ZNF641: variants seen among roughly 807,000 people sequenced by gnomAD.
ZNF641 encodes the protein zinc finger protein 641.
A neutral mutation model predicts 46.2 loss-of-function variants in ZNF641; 26 were observed. That is an observed-to-expected ratio of 0.56 (90% CI 0.41 to 0.78). The LOEUF (loss-of-function observed/expected upper bound fraction) is 0.78. Ranked by LOEUF, ZNF641 falls within the 30% of genes least tolerant of loss-of-function variation. ZNF641 has a pLI of 0.00. For missense variants in ZNF641, 469 were observed against 517.8 expected, an observed-to-expected ratio of 0.91 and a Z score of 0.91; for synonymous variants, 163 against 187.9, an observed-to-expected ratio of 0.87 and a Z score of 1.09.
At chr12:48,336,607 G>C (rs959452710), downstream of ZNF641, among the ~76,000 whole-genome samples, 1 of 152,058 alleles carries the variant, frequency 6.6e-6, no homozygotes, top group African/African-American at 2.4e-5. Flanking sequence ...AGTGGCTTCC[G>C]ACCCTACCTC....
At chr12:48,334,812 G>A (rs1025386521), downstream of ZNF641, among the ~76,000 whole-genome samples, 1 of 152,216 alleles carries the variant, frequency 6.6e-6, no homozygotes, top group Non-Finnish European at 1.5e-5. Context: ...AGATAGAGAA[G>A]GAGGTTCTTG....
At chr12:48,346,825 A>G (rs1369582074) in intron 3 of ZNF641, among the ~76,000 whole-genome samples, 1 of 152,176 alleles carries the variant, frequency 6.6e-6, no homozygotes. Flanking sequence ...AGCCTGGCCA[A>G]CGTGGCAAAA....
Position 48,340,763 on chromosome 12 carries a change from A to G in ZNF641, c.*2210T>C. Reference sequence around the variant, plus strand: ...TGTCAGATTCAACAGGTCTGTACCCAAGACAGGTTCTGAACCATTGCTTAT... The same window carrying G: ...TGTCAGATTCAACAGGTCTGTACCCGAGACAGGTTCTGAACCATTGCTTAT... On this transcript the variant is annotated 3_prime_UTR_variant, in exon 6 of 6. Transcript: ENST00000547026. 3.0e-6 allele frequency: 3 copies of G among 985,432 alleles called. No individual in the cohort carries two copies. Among genetic ancestry groups the G allele is most frequent in the Non-Finnish European group, 3.6e-6 (3 of 829,904 alleles). 61.0% of individuals were successfully genotyped at this position (985,432 alleles called of 1,614,324 possible).
At position 48,342,056 on chromosome 12, in the gene ZNF641, T is replaced by C. The variant is rs1023748561; in HGVS notation, c.*917A>G. The C allele has an allele frequency of 6.1e-6, 6 of 985,332 alleles. No individual in the cohort carries two copies. The African/African-American group carries it at 1.0e-4, about 17-fold the overall frequency. The allele number at this position is 985,332 out of a possible 1,614,324, so 61.0% of individuals were successfully genotyped here. On this transcript the variant is annotated 3_prime_UTR_variant, in exon 6 of 6. Coordinates refer to ENST00000547026, the MANE Select transcript of ZNF641 (RefSeq NM_001172681.2). ...TGTCTTCAAAGACCCTGCACACAAA[T>C]ACACAGACACATAAAGACAGTCAAG...
At chr12:48,335,832 T>C (rs1952600595), downstream of ZNF641, among the ~76,000 whole-genome samples, 2 of 152,206 alleles carry the variant, frequency 1.3e-5, no homozygotes, top group Admixed American at 6.5e-5. Context: ...AAACATAATC[T>C]CCACCTTTCT....
intron 4 of ZNF641, 106 bp from the exon 5 acceptor site, chr12:48,344,818 C>T (rs771654117): frequency 2.9e-5 from 20 of 686,714 alleles, no homozygotes; most frequent in Non-Finnish European, 4.6e-5. Flanking sequence ...GAACTCTAGA[C>T]AAAAGAAGGT....
chr12:48,341,388 T>C lies in ZNF641; in HGVS notation c.*1585A>G, dbSNP rs1952713263. On this transcript the variant is annotated 3_prime_UTR_variant, in exon 6 of 6. Coordinates refer to ENST00000547026, the MANE Select transcript of ZNF641 (RefSeq NM_001172681.2). Reference sequence around the variant, plus strand: ...AGATTGGTATTAACACAATTATTGATAAAGAGAAACAATGACCAACTCATT... The same window carrying C: ...AGATTGGTATTAACACAATTATTGACAAAGAGAAACAATGACCAACTCATT... 5 of 985,440 alleles carry C rather than the reference T, an allele frequency of 5.1e-6. No individual in the cohort carries two copies. The highest frequency in any genetic ancestry group is 6.1e-5 in the Admixed American group (1 of 16,290). The allele number at this position is 985,440 out of a possible 1,614,324, so 61.0% of individuals were successfully genotyped here.
intron 4 of ZNF641, 67 bp downstream of exon 4, chr12:48,345,278 C>A: frequency 6.3e-7 from 1 of 1,581,538 alleles, no homozygotes. Flanking sequence ...TATCCAATAG[C>A]CCTGAAGCAG....
In ZNF641 at chr12:48,345,411, G is replaced by T. The variant is rs753496657; in HGVS notation, c.340C>A (p.Pro114Thr). The T allele has an allele frequency of 6.2e-7, 1 of 1,614,118 alleles. No individual in the cohort carries two copies. Among genetic ancestry groups the T allele is most frequent in the Non-Finnish European group, 8.5e-7 (1 of 1,179,996 alleles). ...FSQEEWRSLD[P>T]SQTDFYGEYV... ...TCTCCATAAAAGTCTGTCTGAGAGGGGTCCAGGCTCCGCCACTCCTCCTGA... is the reference window on the plus strand; with the variant it reads ...TCTCCATAAAAGTCTGTCTGAGAGGTGTCCAGGCTCCGCCACTCCTCCTGA... Residue 114 changes from proline to threonine, a missense_variant, in exon 4 of 6, where the codon CCC becomes ACC. Coordinates refer to ENST00000547026, the MANE Select transcript of ZNF641 (RefSeq NM_001172681.2).
Position 48,345,490 on chromosome 12 carries a change from G to C in ZNF641, c.277-16C>G. ...TTACCAGGCCCTGAAACAAAATGTA[G>C]CATCTTCTGTCAGCAGCTGTTTTTT... On this transcript the variant is annotated splice_polypyrimidine_tract_variant and intron_variant, in intron 3 of 5. Transcript: ENST00000547026. 8 of 1,613,864 alleles carry C rather than the reference G, an allele frequency of 5.0e-6. No individual in the cohort carries two copies. The highest frequency in any genetic ancestry group is 6.8e-6 in the Non-Finnish European group (8 of 1,179,872).
In ZNF641 at chr12:48,340,184, G is replaced by A. The variant is rs943126349; in HGVS notation, c.*2789C>T. Reference sequence around the variant, plus strand: ...AGAGAGGTGGTGTTGGACCGAGGTAGAGAAGACAGTGGTACACCAGAAATA... The same window carrying A: ...AGAGAGGTGGTGTTGGACCGAGGTAAAGAAGACAGTGGTACACCAGAAATA... On this transcript the variant is annotated 3_prime_UTR_variant, in exon 6 of 6. Coordinates refer to ENST00000547026, the MANE Select transcript of ZNF641 (RefSeq NM_001172681.2). 4.0e-5 allele frequency: 39 copies of A among 985,360 alleles called. No homozygotes were observed. Among genetic ancestry groups the A allele is most frequent in the Admixed American group, 6.1e-5 (1 of 16,266 alleles). 61.0% of individuals were successfully genotyped at this position (985,360 alleles called of 1,614,324 possible).
chr12:48,349,417 G>C (rs1952968708), intron 1 of ZNF641, among the ~76,000 whole-genome samples: 1 of 152,186 alleles, frequency 6.6e-6, no homozygotes, highest in South Asian at 2.1e-4. Context: ...AGGCTTCCAA[G>C]AGCAGTCAGA....
At position 48,340,815 on chromosome 12, in the gene ZNF641, G is replaced by A. The variant is rs2136170432; in HGVS notation, c.*2158C>T. The A allele has an allele frequency of 1.0e-6, 1 of 985,402 alleles. No individual in the cohort carries two copies. 61.0% of individuals were successfully genotyped at this position (985,402 alleles called of 1,614,324 possible). A position where few individuals can be genotyped will look rare whatever the true frequency, so the allele number is the denominator to read the frequency against. ...CAGAGCTTTTAGTATTAAAGAGGGAGAGTAAAAGAAATGTCAGAGTCCAGA... is the reference window on the plus strand; with the variant it reads ...CAGAGCTTTTAGTATTAAAGAGGGAAAGTAAAAGAAATGTCAGAGTCCAGA... On this transcript the variant is annotated 3_prime_UTR_variant, in exon 6 of 6. Transcript: ENST00000547026.
rs1793448835 is a variant in ZNF641 at position 48,339,234 on chromosome 12, G to T, written c.*3739C>A. The T allele has an allele frequency of 6.6e-6, 1 of 152,194 alleles. No individual in the cohort carries two copies. The highest frequency in any genetic ancestry group is 2.4e-5 in the African/African-American group (1 of 41,446). 9.4% of individuals were successfully genotyped at this position (152,194 alleles called of 1,614,324 possible). A position where few individuals can be genotyped will look rare whatever the true frequency, so the allele number is the denominator to read the frequency against. On this transcript the variant is annotated 3_prime_UTR_variant, in exon 6 of 6. Coordinates refer to ENST00000547026, the MANE Select transcript of ZNF641 (RefSeq NM_001172681.2). ...TGAGGTCTAGCCTAGTGAGGCTACAGAGAATAAACCTGACAACAGGAGTGT... is the reference window on the plus strand; with the variant it reads ...TGAGGTCTAGCCTAGTGAGGCTACATAGAATAAACCTGACAACAGGAGTGT...
At chr12:48,348,227 C>T in intron 1 of ZNF641, 112 bp from the exon 2 acceptor site, 3 of 1,056,626 alleles carry the variant, frequency 2.8e-6, no homozygotes, top group South Asian at 1.5e-5. Flanking sequence ...ATAGGAGGAG[C>T]TTGCTGGAAG....
rs745681281 is a variant in ZNF641, at chr12:48,337,220, A to G, written c.*5753T>C. 2.6e-5 allele frequency: 4 copies of G among 152,268 alleles called. No individual in the cohort carries two copies. The highest frequency in any genetic ancestry group is 7.2e-5 in the African/African-American group (3 of 41,466). 9.4% of individuals were successfully genotyped at this position (152,268 alleles called of 1,614,324 possible). A position where few individuals can be genotyped will look rare whatever the true frequency, so the allele number is the denominator to read the frequency against. ...ATCTTTTATTCAACTGACAGGGACC[A>G]TAAGTCCCCTGTTGGGTAACCCAAG... On this transcript the variant is annotated 3_prime_UTR_variant, in exon 6 of 6. Transcript: ENST00000547026.
intron 3 of ZNF641, 56 bp downstream of exon 3, chr12:48,347,196 A>C (rs1164427218): frequency 6.2e-7 from 1 of 1,613,056 alleles, no homozygotes; most frequent in East Asian, 2.2e-5. Context: ...ATGCGAAAGC[A>C]ATACAAAGGC....
Position 48,348,101 on chromosome 12 carries a change from G to A in ZNF641, c.-11C>T. Reference sequence around the variant, plus strand: ...CTGTTCTGAAAGCATTTCTGCTGCAGACCCAAATTGTGACCTGGAACAAAT... The same window carrying A: ...CTGTTCTGAAAGCATTTCTGCTGCAAACCCAAATTGTGACCTGGAACAAAT... On this transcript the variant is annotated 5_prime_UTR_variant, in exon 2 of 6. Transcript: ENST00000547026. 1 of 1,614,120 alleles carries A rather than the reference G, an allele frequency of 6.2e-7. No homozygotes were observed. The highest frequency in any genetic ancestry group is 8.5e-7 in the Non-Finnish European group (1 of 1,180,038).
intron 2 of ZNF641, 121 bp from the exon 3 acceptor site, chr12:48,347,464 C>A: frequency 1.2e-6 from 1 of 812,776 alleles, no homozygotes; most frequent in Non-Finnish European, 1.8e-6. Flanking sequence ...ATTGGTAAAA[C>A]TCAAATGCAT....
Sources: allele counts gnomAD v4.1 joint callset (sites outside exome capture counted in the v4.1 genomes callset), GRCh38; gene constraint gnomAD v4.1.1; transcripts MANE v1.5; gene names NCBI Gene and HGNC (gene_info 2026-07-23, HGNC 2026-07-21).